GALNTL6: variants seen among roughly 807,000 people sequenced by gnomAD.
The protein encoded by GALNTL6 is polypeptide N-acetylgalactosaminyltransferase-like 6.
In GALNTL6, 46 loss-of-function variants were observed where a neutral mutation model predicts 73.7. That is an observed-to-expected ratio of 0.62 (90% CI 0.49 to 0.80). The LOEUF is 0.80. Ranked by LOEUF, GALNTL6 falls within the 30% of genes least tolerant of loss-of-function variation. GALNTL6 has a pLI of 0.00. For synonymous variants in GALNTL6, 259 were observed against 263.7 expected, an observed-to-expected ratio of 0.98 and a Z score of 0.17; for missense variants, 604 against 755.0, an observed-to-expected ratio of 0.80 and a Z score of 2.34.
chr4:172,346,250 A>T (rs333405), intron 4 of GALNTL6, among the ~76,000 whole-genome samples: 19,861 of 152,242 alleles, frequency 0.13, 1,310 homozygotes, highest in East Asian at 0.18. Flanking sequence ...TGTATATGAT[A>T]TATGAAAGCT....
intron 2 of GALNTL6, among the ~76,000 whole-genome samples, chr4:171,961,912 C>T (rs768389342): frequency 7.9e-5 from 12 of 152,284 alleles, no homozygotes; most frequent in Admixed American, 2.0e-4. Context: ...ACTTATTTTG[C>T]TTCACTCTTG....
intron 2 of GALNTL6, among the ~76,000 whole-genome samples, chr4:172,085,662 T>A (rs904255212): frequency 3.3e-5 from 5 of 151,736 alleles, no homozygotes; most frequent in African/African-American, 1.2e-4. Flanking sequence ...AAGAAAATCA[T>A]CTTAATTATA....
intron 5 of GALNTL6, among the ~76,000 whole-genome samples, chr4:172,726,456 G>C (rs1310704139): frequency 6.6e-6 from 1 of 152,134 alleles, no homozygotes; most frequent in Admixed American, 6.5e-5. Flanking sequence ...CTCCTGCAAG[G>C]AGAGCTTGGC....
intron 5 of GALNTL6, among the ~76,000 whole-genome samples, chr4:172,371,108 T>C (rs1287029104): frequency 1.3e-5 from 2 of 152,218 alleles, no homozygotes; most frequent in African/African-American, 4.8e-5. Context: ...TGCAAACAGC[T>C]CACACGTTTG....
intron 2 of GALNTL6, among the ~76,000 whole-genome samples, chr4:172,081,409 GC>G (rs1392457075): frequency 6.6e-6 from 1 of 152,224 alleles, no homozygotes; most frequent in Non-Finnish European, 1.5e-5. Flanking sequence ...GGAGGCCAAG[GC>G]AGGCGAATCA....
intron 2 of GALNTL6, among the ~76,000 whole-genome samples, chr4:172,219,484 T>C (rs992673140): frequency 1.3e-5 from 2 of 151,896 alleles, no homozygotes; most frequent in Non-Finnish European, 3.0e-5. Flanking sequence ...TTAAAAACTT[T>C]TTGATGGCAA....
chr4:172,117,749 A>G (rs1733025932), intron 2 of GALNTL6, among the ~76,000 whole-genome samples: 1 of 152,206 alleles, frequency 6.6e-6, no homozygotes, highest in Non-Finnish European at 1.5e-5. Context: ...AAATGCATCA[A>G]CATGAATGAA....
intron 5 of GALNTL6, among the ~76,000 whole-genome samples, chr4:172,725,070 G>A (rs572050220): frequency 2.4e-4 from 37 of 152,026 alleles, no homozygotes; most frequent in Non-Finnish European, 5.1e-4. Flanking sequence ...CCGTGCTTCT[G>A]TTAGTACTGA....
chr4:172,207,726 A>G (rs1736186409), intron 2 of GALNTL6, among the ~76,000 whole-genome samples: 1 of 152,050 alleles, frequency 6.6e-6, no homozygotes, highest in South Asian at 2.1e-4. Context: ...TCTGTCCCTC[A>G]ATTTCCTCAA....
At chr4:172,723,750 AT>A (rs1341705795) in intron 5 of GALNTL6, among the ~76,000 whole-genome samples, 1 of 150,844 alleles carries the variant, frequency 6.6e-6, no homozygotes, top group Non-Finnish European at 1.5e-5. Flanking sequence ...ATGTGTAGGT[AT>A]TATGTATTAT....
At chr4:172,130,841 G>A (rs866891292) in intron 2 of GALNTL6, among the ~76,000 whole-genome samples, 4 of 151,898 alleles carry the variant, frequency 2.6e-5, no homozygotes, top group African/African-American at 9.7e-5. Flanking sequence ...TTTAAAAATG[G>A]AGGGAATTGA....
At chr4:172,288,787 C>T (rs181274373) in intron 3 of GALNTL6, among the ~76,000 whole-genome samples, 1 of 151,968 alleles carries the variant, frequency 6.6e-6, no homozygotes, top group African/African-American at 2.4e-5. Flanking sequence ...AATTGTAACT[C>T]GACTATTGGC....
At chr4:172,873,865 C>T (rs1396841151) in intron 7 of GALNTL6, among the ~76,000 whole-genome samples, 1 of 152,136 alleles carries the variant, frequency 6.6e-6, no homozygotes, top group East Asian at 1.9e-4. Flanking sequence ...AAAATCCATG[C>T]CACATGCAGT....
chr4:172,128,111 GA>G (rs541625421), intron 2 of GALNTL6, among the ~76,000 whole-genome samples: 121 of 149,038 alleles, frequency 8.1e-4, no homozygotes, highest in Middle Eastern at 6.9e-3. Context: ...CTCAAAAAAA[GA>G]AAAAAAAAGT....
intron 3 of GALNTL6, among the ~76,000 whole-genome samples, chr4:172,242,567 T>C (rs988129715): frequency 6.6e-6 from 1 of 152,216 alleles, no homozygotes; most frequent in African/African-American, 2.4e-5. Context: ...TATACTCTCA[T>C]CTAATCAATG....
At chr4:172,488,656 T>C (rs879266466) in intron 5 of GALNTL6, among the ~76,000 whole-genome samples, 1 of 152,184 alleles carries the variant, frequency 6.6e-6, no homozygotes, top group Non-Finnish European at 1.5e-5. Flanking sequence ...TCTTGTATTC[T>C]ATTGCTTGAA....
intron 5 of GALNTL6, among the ~76,000 whole-genome samples, chr4:172,690,391 C>A (rs1733196326): frequency 6.6e-6 from 1 of 152,154 alleles, no homozygotes; most frequent in South Asian, 2.1e-4. Context: ...TTATATTTAT[C>A]ACACTGGATC....
chr4:172,294,981 T>C (rs1030650393), intron 3 of GALNTL6, among the ~76,000 whole-genome samples: 6 of 152,210 alleles, frequency 3.9e-5, no homozygotes, highest in African/African-American at 1.4e-4. Flanking sequence ...TGTGTACATA[T>C]AGATTTATGT....
chr4:171,971,992 T>C (rs1377659033), intron 2 of GALNTL6, among the ~76,000 whole-genome samples: 1 of 152,134 alleles, frequency 6.6e-6, no homozygotes, highest in Non-Finnish European at 1.5e-5. Flanking sequence ...TTCCAACTCA[T>C]GGTCTCTCAT....
Sources: allele counts gnomAD v4.1 joint callset (sites outside exome capture counted in the v4.1 genomes callset), GRCh38; gene constraint gnomAD v4.1.1; transcripts MANE v1.5; gene names NCBI Gene and HGNC (gene_info 2026-07-23, HGNC 2026-07-21).